DHX33: variants seen among roughly 807,000 people sequenced by gnomAD.
The protein encoded by DHX33 is DEAH-box helicase 33.
DHX33 carries 42 observed loss-of-function variants against 72.5 expected under a neutral mutation model. That is an observed-to-expected ratio of 0.58 (90% CI 0.45 to 0.75). The LOEUF is 0.75. Among genes scored for constraint, DHX33 ranks in the 30% least tolerant of loss-of-function variants. The pLI is 0.00. For missense variants in DHX33, 842 were observed against 917.5 expected (o/e 0.92, Z 1.06); for synonymous variants, 358 against 366.1 (o/e 0.98, Z 0.25).
At chr17:5,455,960 C>T (rs767578381) in intron 5 of DHX33, 37 bp downstream of exon 5, 74 of 1,589,630 alleles carry the variant, frequency 4.7e-5, no homozygotes, top group Non-Finnish European at 5.5e-5. Flanking sequence ...GTCTGGGTGC[C>T]CAGAATAGGG....
In DHX33 at chr17:5,456,094, T is replaced by C; in HGVS notation, c.938A>G (p.Lys313Arg). The change falls in exon 5 of 12, where the codon AAG (lysine) becomes AGG (arginine). Residue 313 changes from lysine (K) to arginine (R), a missense_variant. Lys to Arg is a conservative substitution (Grantham distance 26). Transcript: ENST00000225296. ...CGCAGGGCAGCCGTCTGGGAGGTGCTTTGCAATGTCTCGGCACGTCTTGCT... is the reference window on the plus strand; with the variant it reads ...CGCAGGGCAGCCGTCTGGGAGGTGCCTTGCAATGTCTCGGCACGTCTTGCT... ...AMSKTCRDIA[K>R]HLPDGCPAML... The C allele has an allele frequency of 3.1e-6, 5 of 1,613,984 alleles. No homozygotes were observed.
At chr17:5,447,606 A>C (rs184559168) in intron 11 of DHX33, among the ~76,000 whole-genome samples, 415 of 151,678 alleles carry the variant, frequency 2.7e-3, no homozygotes, top group African/African-American at 9.7e-3. Context: ...CCTGGGCAAC[A>C]AGAGCAAAAC....
chr17:5,452,160 CT>C (rs1395359379), intron 8 of DHX33, among the ~76,000 whole-genome samples: 1 of 152,100 alleles, frequency 6.6e-6, no homozygotes, highest in African/African-American at 2.4e-5. Flanking sequence ...TATGTATCTT[CT>C]TCATTTGTAT....
intron 5 of DHX33, 120 bp from the exon 6 acceptor site, chr17:5,455,391 T>G: frequency 1.2e-6 from 1 of 800,876 alleles, no homozygotes; most frequent in Non-Finnish European, 2.1e-6. Context: ...ATGACTCCAT[T>G]ATTAATGGCA....
chr17:5,455,138 T>C, intron 6 of DHX33, 22 bp downstream of exon 6: 1 of 1,591,550 alleles, frequency 6.3e-7, no homozygotes, highest in African/African-American at 1.3e-5. Context: ...AGGAGAGACA[T>C]TCATGAACTA....
chr17:5,455,824 C>T (rs887247390), intron 5 of DHX33, among the ~76,000 whole-genome samples, 173 bp downstream of exon 5: 11 of 152,182 alleles, frequency 7.2e-5, no homozygotes, highest in South Asian at 6.2e-4. Context: ...GTCACAGGAG[C>T]GCTGCGTGTG....
rs1056218263 is a variant in DHX33, at chr17:5,448,843, T to C, written c.1781A>G (p.Glu594Gly). The change falls in exon 11 of 12, where the codon GAA becomes GGA. Residue 594 changes from glutamate (E) to glycine (G), a missense_variant. By Grantham distance (98) the Glu-to-Gly change is moderately conservative. Transcript: ENST00000225296. The stretch of plus-strand genomic sequence containing the variant: ...GATGTCCCTCAGCTGTGCTCTGACT[T>C]CTGCTACCAGCGTCATATTCTTGCT... ...VNSKNMTLVA[E>G]VRAQLRDICL... 7 of 1,613,240 alleles carry C rather than the reference T, an allele frequency of 4.3e-6. No homozygotes were observed. Among genetic ancestry groups the C allele is most frequent in the Non-Finnish European group, 5.1e-6 (6 of 1,179,628 alleles).
intron 1 of DHX33, among the ~76,000 whole-genome samples, chr17:5,468,223 C>T (rs533081405): frequency 3.9e-5 from 6 of 152,218 alleles, no homozygotes; most frequent in Non-Finnish European, 8.8e-5. Context: ...GGCTTTCCCC[C>T]CTGCCTAGAA....
At chr17:5,445,363 G>A (rs1443723252) in intron 11 of DHX33, among the ~76,000 whole-genome samples, 1 of 152,216 alleles carries the variant, frequency 6.6e-6, no homozygotes, top group African/African-American at 2.4e-5. Flanking sequence ...ACAGGCGTGA[G>A]CCACCGCGCC....
At chr17:5,455,068 A>C in intron 6 of DHX33, 92 bp downstream of exon 6, 1 of 1,177,306 alleles carries the variant, frequency 8.5e-7, no homozygotes, top group Non-Finnish European at 1.2e-6. Context: ...TTAGTTACAA[A>C]CATGAAACAC....
intron 2 of DHX33, 21 bp downstream of exon 2, chr17:5,463,507 TA>T: frequency 6.2e-7 from 1 of 1,612,386 alleles, no homozygotes; most frequent in South Asian, 1.1e-5. Flanking sequence ...GAAGTACTAA[TA>T]GTCAAGAAGG....
In DHX33 at chr17:5,453,986, T is replaced by G; in HGVS notation, c.1148-6A>C. On this transcript the variant is annotated splice_polypyrimidine_tract_variant and splice_region_variant and intron_variant, in intron 6 of 11. Transcript: ENST00000225296. ...TAACACCTCAAGACCACTGTCTGGA[T>G]GGAGAGTGAGCCCCATTAGTGCTTC... 1.2e-6 allele frequency: 2 copies of G among 1,612,950 alleles called. No individual in the cohort carries two copies. Among genetic ancestry groups the G allele is most frequent in the Middle Eastern group, 1.7e-4 (1 of 6,042 alleles).
intron 4 of DHX33, 82 bp from the exon 5 acceptor site, chr17:5,456,264 T>C: frequency 7.1e-7 from 1 of 1,400,050 alleles, no homozygotes; most frequent in East Asian, 2.3e-5. Flanking sequence ...ATTGATGATG[T>C]TTCCCAGAGT....
rs1042421713 is a variant in DHX33, at chr17:5,457,699, A to AT, written c.850-1518dup. On this transcript the variant is annotated intron_variant, in intron 4 of 11. Transcript: ENST00000225296. Reference sequence around the variant, plus strand: ...TTTATGTATATATGTAAAAATACGTATTTTTTAATATGTATTTTTTTTCAG... The same window carrying AT: ...TTTATGTATATATGTAAAAATACGTATTTTTTTAATATGTATTTTTTTTCAG... 1.4e-4 allele frequency among the ~76,000 whole-genome samples: 21 copies of AT among 152,062 alleles called. 1 individual carries two copies. The highest frequency in any genetic ancestry group is 3.9e-4 in the Admixed American group (6 of 15,280).
intron 1 of DHX33, among the ~76,000 whole-genome samples, chr17:5,463,998 T>C (rs1312278066): frequency 4.0e-5 from 6 of 151,868 alleles, no homozygotes; most frequent in South Asian, 2.1e-4. Flanking sequence ...GCCTGGGAGA[T>C]AGTGTGAGAC....
intron 9 of DHX33, 53 bp downstream of exon 9, chr17:5,450,754 G>A (rs1916865867): frequency 3.1e-6 from 5 of 1,611,372 alleles, no homozygotes; most frequent in Non-Finnish European, 4.2e-6. Flanking sequence ...TACTACTTTG[G>A]GACGGTTAAC....
chr17:5,442,051 T>G lies in DHX33; in HGVS notation c.*2154A>C, dbSNP rs1266972746. On this transcript the variant is annotated 3_prime_UTR_variant, in exon 12 of 12. Coordinates refer to ENST00000225296, the MANE Select transcript of DHX33 (RefSeq NM_020162.4). ...CTGGGATTACAGGCGTGTGCCACCA[T>G]GCCCAGCTAAGTTTTCTATTTTTAG... 3 of 152,086 alleles carry G rather than the reference T, an allele frequency of 2.0e-5. No individual in the cohort carries two copies. The highest frequency in any genetic ancestry group is 7.2e-5 in the African/African-American group (3 of 41,392). 9.4% of individuals were successfully genotyped at this position (152,086 alleles called of 1,614,324 possible). A position where few individuals can be genotyped will look rare whatever the true frequency, so the allele number is the denominator to read the frequency against.
rs1567600422 is a variant in DHX33 at position 5,455,169 on chromosome 17, ACTT to A, written c.1135_1137del (p.Lys379del). ...AACTACAAATTCTCACCAGGGTTAT[ACTT>A]CTTTGCTTTAACCATGCCCGTGTCA... On this transcript the variant is annotated inframe_deletion, in exon 6 of 12. Transcript: ENST00000225296. The A allele has an allele frequency of 1.2e-6, 2 of 1,613,408 alleles. No individual in the cohort carries two copies. Among genetic ancestry groups the A allele is most frequent in the Non-Finnish European group, 1.7e-6 (2 of 1,179,386 alleles).
chr17:5,450,097 GC>G, intron 10 of DHX33, 105 bp downstream of exon 10: 72 of 1,352,990 alleles, frequency 5.3e-5, no homozygotes, highest in Non-Finnish European at 7.2e-5. Context: ...AGATAATTTA[GC>G]CAAAAAGGGA....
Sources: gnomAD v4.1 joint callset for allele counts (sites outside exome capture counted in the v4.1 genomes callset) on GRCh38, gnomAD v4.1.1 for gene constraint, MANE v1.5 for transcripts, NCBI Gene and HGNC (gene_info 2026-07-23, HGNC 2026-07-21) for gene names.